Variants in OR52A1 observed in about 807,000 individuals in gnomAD.
OR52A1 encodes olfactory receptor 52A1.
In OR52A1, 14 loss-of-function variants were observed where a neutral mutation model predicts 14.3. The ratio of observed to expected loss-of-function variants is 0.98; its 90% CI spans 0.65 to 1.54. The LOEUF is 1.54. Ranked by LOEUF, OR52A1 falls within the 40% of genes most tolerant of loss-of-function variation. The pLI, the probability that OR52A1 is intolerant of heterozygous loss-of-function variation, is 0.00. For synonymous variants in OR52A1, 151 were observed against 135.3 expected, an observed-to-expected ratio of 1.12 and a Z score of -0.80; for missense variants, 405 against 381.3, an observed-to-expected ratio of 1.06 and a Z score of -0.52.
rs1382159898 is a variant in OR52A1, at chr11:5,148,843, C to A, written c.*2588G>T. ...AAAGAAGATAGCAGCACAAATATTT[C>A]TTTGTTAAATGCTAATTATAAAGGG... is the stretch of plus-strand genomic sequence containing the variant. On this transcript the variant is annotated 3_prime_UTR_variant, in exon 2 of 2. Transcript: ENST00000380367. 6.6e-6 allele frequency: 1 copy of A among 152,126 alleles called. No individual in the cohort carries two copies. Among genetic ancestry groups the A allele is most frequent in the Non-Finnish European group, 1.5e-5 (1 of 68,010 alleles). 9.4% of individuals were successfully genotyped at this position (152,126 alleles called of 1,614,324 possible). A position where few individuals can be genotyped will look rare whatever the true frequency, so the allele number is the denominator to read the frequency against.
Position 5,152,042 on chromosome 11 carries a change from G to T in OR52A1, c.328C>A (p.Gln110Lys). 6.2e-7 allele frequency: 1 copy of T among 1,613,992 alleles called. No homozygotes were observed. The highest frequency in any genetic ancestry group is 8.5e-7 in the Non-Finnish European group (1 of 1,179,934). ...ACAAGGATGCCTGACTCTATACCCT[G>T]CAATGTGTGGATGAACCACATTTGA... ...LLQMWFIHTL[Q>K]GIESGILVAM... is the part of the protein sequence containing the mutation. The change falls in exon 2 of 2, where the codon CAG (glutamine) becomes AAG (lysine). Residue 110 changes from glutamine to lysine, a missense_variant. By Grantham distance (53) the Gln-to-Lys change is moderately conservative (BLOSUM62 1). Coordinates refer to ENST00000380367, the MANE Select transcript of OR52A1 (RefSeq NM_012375.3).
In OR52A1 at chr11:5,151,928, T is replaced by C. The variant is rs2133536369; in HGVS notation, c.442A>G (p.Thr148Ala). 1.2e-6 allele frequency: 2 copies of C among 1,614,066 alleles called. No homozygotes were observed. The highest frequency in any genetic ancestry group is 1.7e-6 in the Non-Finnish European group (2 of 1,180,006). Residue 148 changes from threonine to alanine, a missense_variant, in exon 2 of 2, where the codon ACT becomes GCT. Transcript: ENST00000380367. ...ATAGCAGCCCTGAGTACGACCATAGTTCCTATCTGAATGACAAGCTGGTGG... is the reference window on the plus strand; with the variant it reads ...ATAGCAGCCCTGAGTACGACCATAGCTCCTATCTGAATGACAAGCTGGTGG... ...FTHQLVIQIG[T>A]MVVLRAAILV...
At position 5,149,643 on chromosome 11, in the gene OR52A1, A is replaced by G. The variant is rs1564852513; in HGVS notation, c.*1788T>C. ...TCTATCTTGTTATATTAATGCCTAC[A>G]TGATATTCTTGAATTTGCCTCTTTT... On this transcript the variant is annotated 3_prime_UTR_variant, in exon 2 of 2. Coordinates refer to ENST00000380367, the MANE Select transcript of OR52A1 (RefSeq NM_012375.3). The G allele has an allele frequency of 6.6e-6, 1 of 152,214 alleles. No individual in the cohort carries two copies. 9.4% of individuals were successfully genotyped at this position (152,214 alleles called of 1,614,324 possible).
rs752674580 is a variant in OR52A1 at position 5,151,721 on chromosome 11, T to A, written c.649A>T (p.Ile217Phe). Reference protein sequence around the residue: ...FTVAGFDLTFITLSYIQIFIT... With the variant: ...FTVAGFDLTFFTLSYIQIFIT... ...AATATCTGGATGTAGGACAATGTGATGAATGTGAGGTCAAATCCTGCTACA... is the reference window on the plus strand; with the variant it reads ...AATATCTGGATGTAGGACAATGTGAAGAATGTGAGGTCAAATCCTGCTACA... The change falls in exon 2 of 2, where the codon ATC becomes TTC. Residue 217 changes from isoleucine to phenylalanine, a missense_variant. Ile to Phe is a conservative substitution (Grantham distance 21, BLOSUM62 0). Transcript: ENST00000380367. 5 of 1,614,176 alleles carry A rather than the reference T, an allele frequency of 3.1e-6. No individual in the cohort carries two copies. In the South Asian group the frequency reaches 4.4e-5, roughly 14 times the overall value.
intron 1 of OR52A1, among the ~76,000 whole-genome samples, 169 bp from the exon 2 acceptor site, chr11:5,152,859 T>A (rs536005028): frequency 1.3e-5 from 2 of 152,328 alleles, no homozygotes; most frequent in South Asian, 4.1e-4. Context: ...GACCAGTACA[T>A]TGGTGTAAAA....
In OR52A1 at chr11:5,149,600, T is replaced by C. The variant is rs893817261; in HGVS notation, c.*1831A>G. 3 of 152,210 alleles carry C rather than the reference T, an allele frequency of 2.0e-5. No homozygotes were observed. The highest frequency in any genetic ancestry group is 7.2e-5 in the African/African-American group (3 of 41,460). The allele number at this position is 152,210 out of a possible 1,614,324, so 9.4% of individuals were successfully genotyped here. On this transcript the variant is annotated 3_prime_UTR_variant, in exon 2 of 2. Coordinates refer to ENST00000380367, the MANE Select transcript of OR52A1 (RefSeq NM_012375.3). ...TATTGTTTGAATTTCATAAAAATTATTTGTGGACATACATTTTTCTATCTT... is the reference window on the plus strand; with the variant it reads ...TATTGTTTGAATTTCATAAAAATTACTTGTGGACATACATTTTTCTATCTT...
In OR52A1 at chr11:5,151,842, G is replaced by A. The variant is rs1187800937; in HGVS notation, c.528C>T (p.Val176=). 9 of 1,614,134 alleles carry A rather than the reference G, an allele frequency of 5.6e-6. No homozygotes were observed. The highest frequency in any genetic ancestry group is 3.3e-5 in the South Asian group (3 of 91,060). ...KCRFQFYHTT[V]ISHSYCEHMA... ...TATGCTCACAGTAGGAGTGGGAGAT[G>A]ACTGTTGTGTGATAAAATTGAAACC... Residue 176 remains valine, a synonymous_variant, in exon 2 of 2, where the codon GTC becomes GTT. Coordinates refer to ENST00000380367, the MANE Select transcript of OR52A1 (RefSeq NM_012375.3).
At position 5,151,614 on chromosome 11, in the gene OR52A1, G is replaced by A; in HGVS notation, c.756C>T (p.Leu252=). Residue 252 remains leucine, a synonymous_variant, in exon 2 of 2, where the codon CTC becomes CTT. Coordinates refer to ENST00000380367, the MANE Select transcript of OR52A1 (RefSeq NM_012375.3). Reference sequence around the variant, plus strand: ...AGAAGAAGGCAAGGAGGTAGAACTGGAGGAAGACACAGATGTGAGCAATGC... The same window carrying A: ...AGAAGAAGGCAAGGAGGTAGAACTGAAGGAAGACACAGATGTGAGCAATGC... ...NTCIAHICVF[L]QFYLLAFFSF... is the part of the protein sequence containing the mutation. 6.2e-7 allele frequency: 1 copy of A among 1,614,132 alleles called. No individual in the cohort carries two copies. Among genetic ancestry groups the A allele is most frequent in the Non-Finnish European group, 8.5e-7 (1 of 1,180,022 alleles).
At chr11:5,154,041 TGA>T (rs1846580500) in intron 1 of OR52A1, among the ~76,000 whole-genome samples, 4 of 152,298 alleles carry the variant, frequency 2.6e-5, no homozygotes, top group Admixed American at 6.5e-5. Context: ...TTAAATACTT[TGA>T]TTTCCACAGA....
intron 1 of OR52A1, among the ~76,000 whole-genome samples, chr11:5,153,449 G>A (rs1846572487): frequency 6.6e-6 from 1 of 152,154 alleles, no homozygotes; most frequent in Non-Finnish European, 1.5e-5. Flanking sequence ...ACTAGACAGG[G>A]AAGACAGGAC....
chr11:5,154,664 T>C lies in OR52A1; in HGVS notation c.-539A>G, dbSNP rs1846589663. ...ATCTCTAACACGGACATCTTCTTCT[T>C]CTTCTGGAAGTCTGTCTCAGACCAT... On this transcript the variant is annotated 5_prime_UTR_variant, in exon 1 of 2. Transcript: ENST00000380367. 6.6e-6 allele frequency: 1 copy of C among 152,376 alleles called. No individual in the cohort carries two copies. Among genetic ancestry groups the C allele is most frequent in the Admixed American group, 6.5e-5 (1 of 15,308 alleles). 9.4% of individuals were successfully genotyped at this position (152,376 alleles called of 1,614,324 possible). A position where few individuals can be genotyped will look rare whatever the true frequency, so the allele number is the denominator to read the frequency against.
In OR52A1 at chr11:5,151,748, T is replaced by C; in HGVS notation, c.622A>G (p.Thr208Ala). 1 of 1,614,208 alleles carries C rather than the reference T, an allele frequency of 6.2e-7. No individual in the cohort carries two copies. Among genetic ancestry groups the C allele is most frequent in the Non-Finnish European group, 8.5e-7 (1 of 1,180,028 alleles). ...AATGTGAGGTCAAATCCTGCTACAG[T>C]GAAGGCCACAAACAAACCATAGATT... ...NKIYGLFVAF[T>A]VAGFDLTFIT... Residue 208 changes from threonine to alanine, a missense_variant, in exon 2 of 2, where the codon ACT becomes GCT. Physicochemically the swap from Thr to Ala is moderately conservative, Grantham distance 58. Transcript: ENST00000380367.
Position 5,151,821 on chromosome 11 carries a change from C to A in OR52A1, c.549G>T (p.Glu183Asp). ...HTTVISHSYC[E>D]HMAIVKLAAA... ...CTGCTAGTTTCACAATGGCCATATG[C>A]TCACAGTAGGAGTGGGAGATGACTG... Residue 183 changes from glutamate to aspartate, a missense_variant, in exon 2 of 2, where the codon GAG becomes GAT. By Grantham distance (45) the Glu-to-Asp change is conservative (BLOSUM62 2). Coordinates refer to ENST00000380367, the MANE Select transcript of OR52A1 (RefSeq NM_012375.3). The A allele has an allele frequency of 6.2e-7, 1 of 1,614,138 alleles. No homozygotes were observed. Among genetic ancestry groups the A allele is most frequent in the Non-Finnish European group, 8.5e-7 (1 of 1,180,020 alleles).
In OR52A1 at chr11:5,152,428, C is replaced by T; in HGVS notation, c.-59G>A. 2.5e-6 allele frequency: 3 copies of T among 1,222,758 alleles called. No homozygotes were observed. Among genetic ancestry groups the T allele is most frequent in the Non-Finnish European group, 3.4e-6 (3 of 873,320 alleles). The allele number at this position is 1,222,758 out of a possible 1,614,324, so 75.7% of individuals were successfully genotyped here. On this transcript the variant is annotated 5_prime_UTR_variant, in exon 2 of 2. Transcript: ENST00000380367. Reference sequence around the variant, plus strand: ...AGTTTCTCAGTCAGTGTTACTGTTCCTCTTCTGCTTTCTGATTTTCTCCAA... The same window carrying T: ...AGTTTCTCAGTCAGTGTTACTGTTCTTCTTCTGCTTTCTGATTTTCTCCAA...
At position 5,150,096 on chromosome 11, in the gene OR52A1, A is replaced by T. The variant is rs1247461691; in HGVS notation, c.*1335T>A. 6.6e-6 allele frequency: 1 copy of T among 152,092 alleles called. No homozygotes were observed. The highest frequency in any genetic ancestry group is 1.5e-5 in the Non-Finnish European group (1 of 68,016). The allele number at this position is 152,092 out of a possible 1,614,324, so 9.4% of individuals were successfully genotyped here. The stretch of plus-strand genomic sequence containing the variant: ...ACCTGAGGTTTTTCAAGAACAATTG[A>T]CTAGCCGTAAATTCTTATGCCACTA... On this transcript the variant is annotated 3_prime_UTR_variant, in exon 2 of 2. Transcript: ENST00000380367.
chr11:5,148,506 G>C lies in OR52A1; in HGVS notation c.*2925C>G, dbSNP rs1313403616. 2 of 151,986 alleles carry C rather than the reference G, an allele frequency of 1.3e-5. No homozygotes were observed. The highest frequency in any genetic ancestry group is 2.4e-5 in the African/African-American group (1 of 41,330). The allele number at this position is 151,986 out of a possible 1,614,324, so 9.4% of individuals were successfully genotyped here. On this transcript the variant is annotated 3_prime_UTR_variant, in exon 2 of 2. Coordinates refer to ENST00000380367, the MANE Select transcript of OR52A1 (RefSeq NM_012375.3). ...CTCCCAAAGTGCTGGGATTACAGGC[G>C]TGAGCCACCGCACCCGGCCTGAAAG... is the stretch of plus-strand genomic sequence containing the variant.
intron 1 of OR52A1, 68 bp downstream of exon 1, chr11:5,154,379 G>T (rs1846585440): frequency 1.3e-5 from 2 of 151,986 alleles, no homozygotes; most frequent in African/African-American, 2.4e-5. Flanking sequence ...ATTGAGAGCT[G>T]GTTTTGCTCT....
At position 5,149,382 on chromosome 11, in the gene OR52A1, T is replaced by C. The variant is rs1846517908; in HGVS notation, c.*2049A>G. ...TGGTCATTGTTAAACATCCCAAACC[T>C]GGCCTACTTCCTGTTTTCTATAGTC... On this transcript the variant is annotated 3_prime_UTR_variant, in exon 2 of 2. Coordinates refer to ENST00000380367, the MANE Select transcript of OR52A1 (RefSeq NM_012375.3). The C allele has an allele frequency of 6.6e-6, 1 of 152,202 alleles. No homozygotes were observed. Among genetic ancestry groups the C allele is most frequent in the Non-Finnish European group, 1.5e-5 (1 of 68,024 alleles). 9.4% of individuals were successfully genotyped at this position (152,202 alleles called of 1,614,324 possible). A position where few individuals can be genotyped will look rare whatever the true frequency, so the allele number is the denominator to read the frequency against.
intron 1 of OR52A1, among the ~76,000 whole-genome samples, chr11:5,154,220 G>A (rs1392130371): frequency 2.0e-5 from 3 of 152,154 alleles, no homozygotes; most frequent in Non-Finnish European, 4.4e-5. Flanking sequence ...TGACATGTGA[G>A]TACTACCTGA....
Sources: gnomAD v4.1 joint callset for allele counts (sites outside exome capture counted in the v4.1 genomes callset) on GRCh38, gnomAD v4.1.1 for gene constraint, MANE v1.5 for transcripts, NCBI Gene and HGNC (gene_info 2026-07-23, HGNC 2026-07-21) for gene names.